The following INSL6 variants were observed in gnomAD, a reference collection of about 807,000 sequenced individuals.
INSL6 encodes the protein insulin like 6, also known as insulin-like peptide INSL6.
In INSL6, 16 loss-of-function variants were observed where a neutral mutation model predicts 9.4. The ratio of observed to expected loss-of-function variants is 1.70; its 90% CI spans 1.15 to 2.59. The LOEUF is 2.59. Among genes scored for constraint, INSL6 ranks in the 30% most tolerant of loss-of-function variants. The pLI, the probability that INSL6 is intolerant of heterozygous loss-of-function variation, is 0.00. For missense variants in INSL6, 391 were observed against 257.3 expected (o/e 1.52, Z -3.56); for synonymous variants, 154 against 96.9 (o/e 1.59, Z -3.46).
intron 3 of INSL6, chr9:5,126,173 C>G (rs567155471): frequency 9.2e-6 from 5 of 544,418 alleles, no homozygotes; most frequent in Non-Finnish European, 1.3e-5. Context: ...TATTTAACAG[C>G]CTTATGTTTT....
At chr9:5,059,520 A>G in the INSL6 span, among the ~76,000 whole-genome samples, 1 of 152,152 alleles carries the variant, frequency 6.6e-6, no homozygotes. Context: ...TTTACCATGA[A>G]CATTCTTATA....
Position 5,185,323 on chromosome 9 carries a change from TG to T in INSL6, c.279del (p.Thr94GlnfsTer12). On this transcript the variant is annotated frameshift_variant, in exon 1 of 2. Coordinates refer to ENST00000381641, the MANE Select transcript of INSL6 (RefSeq NM_007179.3). LOFTEE classifies it low-confidence loss of function (END_TRUNC). ...PQTASPARGR[G>X]TNPVSTSWEE... is the part of the protein sequence containing the mutation. ...CGGTTTCGATTTTTACCTGGGTTTG[TG>T]CCTCTTCCCCGGGCCGGGGAAGCGG... The T allele has an allele frequency of 6.2e-7, 1 of 1,614,126 alleles. No homozygotes were observed. The highest frequency in any genetic ancestry group is 1.1e-5 in the South Asian group (1 of 91,074).
the INSL6 span, chr9:5,041,955 C>T: frequency 2.7e-6 from 1 of 376,894 alleles, no homozygotes; most frequent in Non-Finnish European, 5.1e-6. Flanking sequence ...TGAATCTTCT[C>T]CGTGCGGCCC....
the INSL6 span, among the ~76,000 whole-genome samples, chr9:5,056,757 T>C: frequency 2.0e-5 from 3 of 152,164 alleles, no homozygotes; most frequent in Non-Finnish European, 4.4e-5. Context: ...AATAAATGTT[T>C]CTGGGAGAGT....
chr9:5,105,264 AACAG>A, the INSL6 span, among the ~76,000 whole-genome samples: 2 of 152,230 alleles, frequency 1.3e-5, no homozygotes, highest in African/African-American at 4.8e-5. Context: ...ATACACCCAT[AACAG>A]ACAAACATAC....
the INSL6 span, among the ~76,000 whole-genome samples, chr9:5,072,978 T>G: frequency 6.6e-6 from 1 of 152,124 alleles, no homozygotes; most frequent in Non-Finnish European, 1.5e-5. Flanking sequence ...AAACCAAGTT[T>G]CAAAGGCACT....
chr9:5,145,667 T>G (rs1157316496), intron 2 of INSL6, among the ~76,000 whole-genome samples: 1 of 152,220 alleles, frequency 6.6e-6, no homozygotes, highest in Non-Finnish European at 1.5e-5. Context: ...TTTCACTCTT[T>G]TTTCTCTATT....
chr9:5,090,295 T>G, the INSL6 span: 2 of 479,212 alleles, frequency 4.2e-6, no homozygotes. Context: ...AAAGACTATG[T>G]TCTTAACAAC....
the INSL6 span, among the ~76,000 whole-genome samples, chr9:5,081,013 A>G: frequency 2.0e-5 from 3 of 147,514 alleles, no homozygotes; most frequent in South Asian, 6.3e-4. Context: ...CTCCTGCCTC[A>G]GCCTCCTGAG....
At chr9:5,158,353 C>T (rs1824860130) in intron 2 of INSL6, among the ~76,000 whole-genome samples, 1 of 151,478 alleles carries the variant, frequency 6.6e-6, no homozygotes, top group Admixed American at 6.6e-5. Context: ...TTAGAGAACA[C>T]CCAAGTGAAT....
At chr9:4,993,990 G>A in the INSL6 span, among the ~76,000 whole-genome samples, 76 of 152,334 alleles carry the variant, frequency 5.0e-4, 1 homozygote, top group South Asian at 6.2e-3. Flanking sequence ...GTGATGTCCT[G>A]TCTAGGGTTG....
At chr9:5,041,249 A>G in the INSL6 span, 5 of 1,448,392 alleles carry the variant, frequency 3.5e-6, no homozygotes, top group South Asian at 1.2e-5. Context: ...GCAGCACGCC[A>G]TCCACATCAT....
At chr9:5,004,257 T>A in the INSL6 span, among the ~76,000 whole-genome samples, 1 of 152,308 alleles carries the variant, frequency 6.6e-6, no homozygotes, top group African/African-American at 2.4e-5. Context: ...AGAAATTTCG[T>A]ATCCTTTGAC....
chr9:5,086,029 A>G, the INSL6 span: 49 of 783,408 alleles, frequency 6.3e-5, no homozygotes, highest in Middle Eastern at 3.7e-4. Flanking sequence ...ACATTTGGAC[A>G]GGCAGGTGTT....
At chr9:5,171,239 C>G (rs1008587105) in intron 1 of INSL6, among the ~76,000 whole-genome samples, 3 of 152,132 alleles carry the variant, frequency 2.0e-5, no homozygotes, top group Non-Finnish European at 4.4e-5. Flanking sequence ...ACAAAAACCA[C>G]AAGATTATTT....
the INSL6 span, among the ~76,000 whole-genome samples, chr9:4,994,655 C>T: frequency 1.3e-5 from 2 of 152,166 alleles, no homozygotes; most frequent in African/African-American, 2.4e-5. Flanking sequence ...AATGAACAGA[C>T]GTGGCTCATG....
chr9:5,163,600 G>A (rs1001782740), downstream of INSL6, among the ~76,000 whole-genome samples: 5 of 151,376 alleles, frequency 3.3e-5, no homozygotes, highest in Non-Finnish European at 5.9e-5. Context: ...GAAAGCAGAA[G>A]GTTCCATAAT....
chr9:5,185,143 G>A (rs765504558), intron 1 of INSL6, among the ~76,000 whole-genome samples, 171 bp downstream of exon 1: 5 of 151,942 alleles, frequency 3.3e-5, no homozygotes, highest in Non-Finnish European at 5.9e-5. Flanking sequence ...AAAAAAAAGC[G>A]CTTCATTGAA....
the INSL6 span, chr9:5,099,696 A>G: frequency 6.6e-6 from 1 of 152,210 alleles, no homozygotes; most frequent in African/African-American, 2.4e-5. Flanking sequence ...CTATTCAACG[A>G]TGATTAATCC....
Sources: allele counts gnomAD v4.1 joint callset (sites outside exome capture counted in the v4.1 genomes callset), GRCh38; gene constraint gnomAD v4.1.1; transcripts MANE v1.5; gene names NCBI Gene and HGNC (gene_info 2026-07-23, HGNC 2026-07-21).